Variants in ALG6 observed in about 807,000 individuals in gnomAD.
ALG6 encodes ALG6 alpha-1,3-glucosyltransferase.
In ALG6, 46 loss-of-function variants were observed where a neutral mutation model predicts 66.6. That is an observed-to-expected ratio of 0.69 (90% confidence interval 0.55 to 0.88). ALG6 has a LOEUF of 0.88. Ranked by LOEUF, ALG6 falls within the 40% of genes least tolerant of loss-of-function variation. The probability of loss-of-function intolerance (pLI) is 0.00; values close to 1 mark genes in which losing one functional copy is unlikely to be tolerated. For synonymous variants in ALG6, 185 were observed against 203.7 expected (o/e 0.91, Z 0.78); for missense variants, 505 against 586.8 (o/e 0.86, Z 1.44).
chr1:63,414,102 G>T lies in ALG6; in HGVS notation c.858G>T (p.Leu286=). The T allele has an allele frequency of 6.2e-7, 1 of 1,613,132 alleles. No homozygotes were observed. Among genetic ancestry groups the T allele is most frequent in the South Asian group, 1.1e-5 (1 of 91,058 alleles). ...TTTGGTGCAGCTTCAATGTCTTTCTGAAGATTAAGGATATTTTGCCACGTC... is the reference window on the plus strand; with the variant it reads ...TTTGGTGCAGCTTCAATGTCTTTCTTAAGATTAAGGATATTTTGCCACGTC... The part of the protein sequence containing the change: ...ANIWCSFNVF[L]KIKDILPRHI... Residue 286 remains leucine (L), a synonymous_variant, in exon 10 of 15, where the codon CTG becomes CTT. Coordinates refer to ENST00000263440, the MANE Select transcript of ALG6 (RefSeq NM_013339.4).
rs184700141 is a variant in ALG6, at chr1:63,424,285, C to T, written c.1059-4448C>T. On this transcript the variant is annotated intron_variant, in intron 12 of 14. Coordinates refer to ENST00000263440, the MANE Select transcript of ALG6 (RefSeq NM_013339.4). ...CCTCCCGAGTAGCTGGGACTACAGG[C>T]GCGTGCCACCACACCTGGCTAATTT... Among the ~76,000 whole-genome samples, 48 of 151,988 alleles carry T rather than the reference C, an allele frequency of 3.2e-4. 1 individual carries two copies. Among genetic ancestry groups the T allele is most frequent in the Admixed American group, 8.5e-4 (13 of 15,282 alleles).
intron 12 of ALG6, among the ~76,000 whole-genome samples, chr1:63,422,202 T>G (rs1458087555): frequency 4.0e-4 from 49 of 123,788 alleles, no homozygotes; most frequent in African/African-American, 1.4e-3. Context: ...TATATCTATA[T>G]GAATATAAAT....
At position 63,368,627 on chromosome 1, in the gene ALG6, A is replaced by G. The variant is rs1463499997; in HGVS notation, c.-208+940A>G. ...GCGATTTTCCTGCCTCAGCCTCACG[A>G]GTAGCTGGGATTACAGGAACGCACC... On this transcript the variant is annotated intron_variant, in intron 1 of 14. Transcript: ENST00000263440. Among the ~76,000 whole-genome samples the G allele has an allele frequency of 2.0e-5, 3 of 151,960 alleles. No individual in the cohort carries two copies. The East Asian group carries it at 5.8e-4, about 29-fold the overall frequency.
chr1:63,402,849 C>G lies in ALG6; in HGVS notation c.257+506C>G, dbSNP rs192073081. On this transcript the variant is annotated intron_variant, in intron 4 of 14. Transcript: ENST00000263440. Reference sequence around the variant, plus strand: ...TGGTGGCTCACGCCTGTAATCCCAGCACTGTGGGAGGCCGAGGCGGGCGGA... The same window carrying G: ...TGGTGGCTCACGCCTGTAATCCCAGGACTGTGGGAGGCCGAGGCGGGCGGA... Among the ~76,000 whole-genome samples the G allele has an allele frequency of 3.4e-3, 518 of 151,314 alleles. 3 individuals carry two copies. The highest frequency in any genetic ancestry group is 0.011 in the African/African-American group (458 of 41,336).
At position 63,437,307 on chromosome 1, in the gene ALG6, T is replaced by C; in HGVS notation, c.*287T>C. 2.9e-6 allele frequency: 1 copy of C among 340,152 alleles called. No homozygotes were observed. Among genetic ancestry groups the C allele is most frequent in the Non-Finnish European group, 5.5e-6 (1 of 181,228 alleles). The allele number at this position is 340,152 out of a possible 1,614,324, so 21.1% of individuals were successfully genotyped here. A position where few individuals can be genotyped will look rare whatever the true frequency, so the allele number is the denominator to read the frequency against. ...GAGAAACATGTCCTTAATCCCATTG[T>C]TTACTCAGGAAATGCACTTTTTAAA... On this transcript the variant is annotated 3_prime_UTR_variant, in exon 15 of 15. Coordinates refer to ENST00000263440, the MANE Select transcript of ALG6 (RefSeq NM_013339.4).
Position 63,433,533 on chromosome 1 carries a change from CAG to C in ALG6, c.1327-3289_1327-3288del, listed in dbSNP as rs972493120. 2.0e-5 allele frequency among the ~76,000 whole-genome samples: 3 copies of C among 152,036 alleles called. No individual in the cohort carries two copies. The highest frequency in any genetic ancestry group is 6.5e-5 in the Admixed American group (1 of 15,268). On this transcript the variant is annotated intron_variant, in intron 14 of 14. Coordinates refer to ENST00000263440, the MANE Select transcript of ALG6 (RefSeq NM_013339.4). This position sits in a 1 kb window ranked among gnomAD's most constrained non-coding sequence, Gnocchi z 4.2. Reference sequence around the variant, plus strand: ...AGACAAGGAGAGGATTAACTTTACTCAGGGGTTCAAATGGAAAGTAGATATAA... The same window carrying C: ...AGACAAGGAGAGGATTAACTTTACTCGGGTTCAAATGGAAAGTAGATATAA...
rs189107715 is a variant in ALG6, at chr1:63,416,054, C to T, written c.987+97C>T. 40 of 898,654 alleles carry T rather than the reference C, an allele frequency of 4.5e-5. No individual in the cohort carries two copies. The African/African-American group carries it at 5.5e-4, about 12-fold the overall frequency. The allele number at this position is 898,654 out of a possible 1,614,324, so 55.7% of individuals were successfully genotyped here. Reference sequence around the variant, plus strand: ...GCACAGGATTTATTGGGTTGGGAAACAAGACATTCATTTATTTGGCAGACA... The same window carrying T: ...GCACAGGATTTATTGGGTTGGGAAATAAGACATTCATTTATTTGGCAGACA... On this transcript the variant is annotated intron_variant, in intron 11 of 14. Transcript: ENST00000263440.
rs1165046824 is a variant in ALG6 at position 63,385,184 on chromosome 1, C to CTTTTTTTTTTTT, written c.83-11307_83-11296dup. ...TTTTTATTAAGATCTTTTACTTCTT[C>CTTTTTTTTTTTT]TTTTTTTTTTTTTTTTTTTTTTTTT... is the stretch of plus-strand genomic sequence containing the variant. On this transcript the variant is annotated intron_variant, in intron 2 of 14. Coordinates refer to ENST00000263440, the MANE Select transcript of ALG6 (RefSeq NM_013339.4). Among the ~76,000 whole-genome samples the CTTTTTTTTTTTT allele has an allele frequency of 6.1e-4, 36 of 58,950 alleles. 2 individuals carry two copies. Among genetic ancestry groups the CTTTTTTTTTTTT allele is most frequent in the Non-Finnish European group, 7.4e-4 (23 of 30,874 alleles). 38.7% of individuals were successfully genotyped at this position (58,950 alleles called of 152,430 possible).
At chr1:63,411,833 A>G in intron 8 of ALG6, 93 bp from the exon 9 acceptor site, 1 of 1,523,996 alleles carries the variant, frequency 6.6e-7, no homozygotes. Context: ...ATTACTATAC[A>G]TGTGCATGTA....
intron 12 of ALG6, among the ~76,000 whole-genome samples, chr1:63,419,832 T>G (rs1485635197): frequency 2.1e-5 from 3 of 146,096 alleles, no homozygotes; most frequent in African/African-American, 8.1e-5. Context: ...GTCTTTTGTA[T>G]GTTGCCTTCT....
rs894709350 is a variant in ALG6, at chr1:63,437,162, C to A, written c.*142C>A. 48 of 758,546 alleles carry A rather than the reference C, an allele frequency of 6.3e-5. No individual in the cohort carries two copies. The East Asian group carries it at 1.2e-3, about 19-fold the overall frequency. The allele number at this position is 758,546 out of a possible 1,614,324, so 47.0% of individuals were successfully genotyped here. A position where few individuals can be genotyped will look rare whatever the true frequency, so the allele number is the denominator to read the frequency against. On this transcript the variant is annotated 3_prime_UTR_variant, in exon 15 of 15. Coordinates refer to ENST00000263440, the MANE Select transcript of ALG6 (RefSeq NM_013339.4). ...CACAGGAAAGGAAATGGTGAAAAGT[C>A]ATTGTTGTCTACACAAAATAAATGT... is the stretch of plus-strand genomic sequence containing the variant.
intron 2 of ALG6, among the ~76,000 whole-genome samples, chr1:63,378,298 A>C (rs1477366024): frequency 1.3e-5 from 2 of 152,012 alleles, no homozygotes; most frequent in Non-Finnish European, 2.9e-5. Context: ...TTGTCTTTTA[A>C]TTTGTGTTGA....
rs553041795 is a variant in ALG6, at chr1:63,368,047, GAAGGACCTTTCAGACTAA to G, written c.-208+366_-208+383del. On this transcript the variant is annotated intron_variant, in intron 1 of 14. Transcript: ENST00000263440. ...CCCCGGTGTTGTGTCCACTGCGGTG[GAAGGACCTTTCAGACTAA>G]AAGGAGCAAAGTCGGTTCTGGGATG... Among the ~76,000 whole-genome samples, 188 of 152,270 alleles carry G rather than the reference GAAGGACCTTTCAGACTAA, an allele frequency of 1.2e-3. 1 individual carries two copies. Among genetic ancestry groups the G allele is most frequent in the African/African-American group, 4.3e-3 (178 of 41,568 alleles).
intron 2 of ALG6, among the ~76,000 whole-genome samples, chr1:63,385,275 C>T (rs1022637809): frequency 4.2e-5 from 6 of 143,556 alleles, no homozygotes; most frequent in East Asian, 2.1e-4. Context: ...TCTTGGCTCA[C>T]GGCAACCTCT....
intron 2 of ALG6, among the ~76,000 whole-genome samples, chr1:63,372,703 A>G (rs1014955002): frequency 6.6e-5 from 10 of 152,090 alleles, no homozygotes; most frequent in Non-Finnish European, 1.0e-4. Flanking sequence ...TCTGTCACCC[A>G]GGCTGGAGTG....
intron 7 of ALG6, among the ~76,000 whole-genome samples, chr1:63,409,669 C>A (rs116824927): frequency 6.6e-6 from 1 of 151,944 alleles, no homozygotes; most frequent in Admixed American, 6.6e-5. Context: ...CCTTTCATTT[C>A]GATTCTTTTT....
At chr1:63,424,228 C>T (rs1162235563) in intron 12 of ALG6, among the ~76,000 whole-genome samples, 1 of 152,184 alleles carries the variant, frequency 6.6e-6, no homozygotes, top group African/African-American at 2.4e-5. Context: ...GCAACCTCCG[C>T]CTCCCGGGTT....
intron 2 of ALG6, among the ~76,000 whole-genome samples, chr1:63,373,658 A>G (rs11208196): frequency 7.6e-6 from 1 of 131,250 alleles, no homozygotes; most frequent in Non-Finnish European, 1.6e-5. Context: ...TTTAATTTAC[A>G]TTTTTTTTTT....
chr1:63,422,225 A>ATATAAATATATATCTATATG (rs1491422091), intron 12 of ALG6, among the ~76,000 whole-genome samples: 1 of 71,584 alleles, frequency 1.4e-5, no homozygotes, highest in South Asian at 3.8e-4. Flanking sequence ...ATATTTATAT[A>ATATAAATATATATCTATATG]AATATAAATA....
Sources: gnomAD v4.1 joint callset for allele counts (sites outside exome capture counted in the v4.1 genomes callset) on GRCh38, gnomAD v4.1.1 for gene constraint, Gnocchi (gnomAD v3.1) non-coding constraint, MANE v1.5 for transcripts, NCBI Gene and HGNC (gene_info 2026-07-23, HGNC 2026-07-21) for gene names.